Variants in HMMR observed in about 807,000 individuals in gnomAD.
HMMR encodes intracellular hyaluronic acid-binding protein.
HMMR carries 108 observed loss-of-function variants against 101.0 expected under a neutral mutation model. That is an observed-to-expected ratio of 1.07 (90% CI 0.92 to 1.25). The LOEUF (loss-of-function observed/expected upper bound fraction) is 1.25, where lower values mean the gene tolerates loss of function less well. HMMR is among the 50% of genes most tolerant of loss of function. The probability of loss-of-function intolerance (pLI) is 0.00; values close to 1 mark genes in which losing one functional copy is unlikely to be tolerated. For synonymous variants in HMMR, 296 were observed against 276.4 expected, an observed-to-expected ratio of 1.07 and a Z score of -0.70; for missense variants, 813 against 788.7, an observed-to-expected ratio of 1.03 and a Z score of -0.37.
intron 12 of HMMR, 21 bp from the exon 13 acceptor site, chr5:163,482,621 C>CTTTT: frequency 6.4e-7 from 1 of 1,563,644 alleles, no homozygotes; most frequent in Non-Finnish European, 8.8e-7. Context: ...ACTACTTTGA[C>CTTTT]TTTTTTTTCT....
intron 4 of HMMR, 142 bp from the exon 5 acceptor site, chr5:163,469,499 T>A (rs974537488): frequency 9.3e-6 from 6 of 647,216 alleles, no homozygotes; most frequent in Non-Finnish European, 1.6e-5. Context: ...ATTATTCAAA[T>A]AGCTAGTAAC....
chr5:163,488,678 C>T (rs553234617), intron 16 of HMMR, among the ~76,000 whole-genome samples: 33 of 152,288 alleles, frequency 2.2e-4, no homozygotes, highest in African/African-American at 7.0e-4. Context: ...CCTCTCTTTC[C>T]GTGAACATAG....
intron 11 of HMMR, among the ~76,000 whole-genome samples, chr5:163,477,106 C>T (rs1340594508): frequency 6.6e-6 from 1 of 152,188 alleles, no homozygotes; most frequent in African/African-American, 2.4e-5. Context: ...CATTATGTTT[C>T]CTTCTCCCAT....
intron 17 of HMMR, 85 bp downstream of exon 17, chr5:163,490,637 T>G: frequency 2.0e-6 from 2 of 1,022,090 alleles, no homozygotes; most frequent in South Asian, 1.4e-5. Flanking sequence ...TTTTATGAAC[T>G]GTGAAAATTT....
At chr5:163,486,350 T>A (rs565007324) in intron 16 of HMMR, among the ~76,000 whole-genome samples, 1 of 152,310 alleles carries the variant, frequency 6.6e-6, no homozygotes, top group East Asian at 1.9e-4. Context: ...GTTTTCCACT[T>A]CTCTTGTTAA....
At chr5:163,466,128 T>G (rs1758698650) in intron 3 of HMMR, among the ~76,000 whole-genome samples, 1 of 151,800 alleles carries the variant, frequency 6.6e-6, no homozygotes, top group South Asian at 2.1e-4. Context: ...TAGCCGTGTG[T>G]GGTGGCACGT....
Position 163,482,690 on chromosome 5 carries a change from C to T in HMMR, c.1434C>T (p.Asn478=), listed in dbSNP as rs1435796292. The part of the protein sequence containing the change: ...ASEIEDLKLE[N]SSLQEKAAKA... ...AGATAGAAGATCTTAAGCTGGAGAACTCATCATTACAGGAAAAAGCGGCCA... is the reference window on the plus strand; with the variant it reads ...AGATAGAAGATCTTAAGCTGGAGAATTCATCATTACAGGAAAAAGCGGCCA... The change falls in exon 13 of 18, where the codon AAC becomes AAT. Residue 478 remains asparagine (N), a synonymous_variant. Coordinates refer to ENST00000393915, the MANE Select transcript of HMMR (RefSeq NM_001142556.2). 1.2e-5 allele frequency: 20 copies of T among 1,612,252 alleles called. No individual in the cohort carries two copies. Among genetic ancestry groups the T allele is most frequent in the Non-Finnish European group, 1.7e-5 (20 of 1,178,504 alleles).
rs1478102853 is a variant in HMMR at position 163,483,010 on chromosome 5, C to G, written c.1533-10C>G. On this transcript the variant is annotated splice_polypyrimidine_tract_variant and intron_variant, in intron 13 of 17. Transcript: ENST00000393915. ...AAATGTTTAGTGACCTCTTCTCTCT[C>G]AAACCAAAGGATGCTTCTAGATCTG... 3 of 1,574,590 alleles carry G rather than the reference C, an allele frequency of 1.9e-6. No homozygotes were observed. The highest frequency in any genetic ancestry group is 2.6e-6 in the Non-Finnish European group (3 of 1,166,850).
Position 163,460,826 on chromosome 5 carries a change from G to T in HMMR, c.46+88G>T, listed in dbSNP as rs1040858666. 25 of 1,165,412 alleles carry T rather than the reference G, an allele frequency of 2.1e-5. No individual in the cohort carries two copies. In the African/African-American group the frequency reaches 3.5e-4, roughly 16 times the overall value. 72.2% of individuals were successfully genotyped at this position (1,165,412 alleles called of 1,614,324 possible). ...TCCCTTCTTGGGAGGCAAGCAGGAGGCGATTTTAGGGTCGGGCTGGGGCTC... is the reference window on the plus strand; with the variant it reads ...TCCCTTCTTGGGAGGCAAGCAGGAGTCGATTTTAGGGTCGGGCTGGGGCTC... On this transcript the variant is annotated intron_variant, in intron 1 of 17. Transcript: ENST00000393915.
At position 163,474,105 on chromosome 5, in the gene HMMR, A is replaced by T. The variant is rs1217815131; in HGVS notation, c.953A>T (p.Glu318Val). The T allele has an allele frequency of 6.2e-7, 1 of 1,611,712 alleles. No individual in the cohort carries two copies. ...NREHNENLNA[E>V]MQNLKQKFIL... Reference sequence around the variant, plus strand: ...GAACACAACGAAAATCTAAATGCAGAGATGCAAAACTTAAAACAGAAGTTT... The same window carrying T: ...GAACACAACGAAAATCTAAATGCAGTGATGCAAAACTTAAAACAGAAGTTT... The change falls in exon 10 of 18, where the codon GAG becomes GTG. Residue 318 changes from glutamate to valine, a missense_variant. Glu to Val is a moderately radical substitution (Grantham distance 121). Coordinates refer to ENST00000393915, the MANE Select transcript of HMMR (RefSeq NM_001142556.2).
intron 3 of HMMR, among the ~76,000 whole-genome samples, chr5:163,465,549 G>A (rs1261206079): frequency 1.4e-3 from 1 of 710 alleles, no homozygotes; most frequent in Non-Finnish European, 0.022. Flanking sequence ...TAGCCAGTTG[G>A]GCAGGCTAGG....
At chr5:163,474,991 A>C (rs1323992645) in intron 10 of HMMR, among the ~76,000 whole-genome samples, 1 of 152,070 alleles carries the variant, frequency 6.6e-6, no homozygotes, top group East Asian at 1.9e-4. Flanking sequence ...TATCTCTGCA[A>C]TGGGAAAACT....
At chr5:163,467,474 A>G (rs771224011) in intron 3 of HMMR, among the ~76,000 whole-genome samples, 2 of 152,228 alleles carry the variant, frequency 1.3e-5, no homozygotes, top group African/African-American at 2.4e-5. Flanking sequence ...CTGATTAGGA[A>G]AATCCTGATT....
intron 12 of HMMR, among the ~76,000 whole-genome samples, chr5:163,479,631 C>G (rs1490863924): frequency 1.3e-5 from 2 of 152,184 alleles, no homozygotes; most frequent in South Asian, 2.1e-4. Flanking sequence ...CCACTGCGCT[C>G]CAGCCTGGGT....
At chr5:163,481,906 TTTTTA>T (rs1759279645) in intron 12 of HMMR, among the ~76,000 whole-genome samples, 1 of 152,118 alleles carries the variant, frequency 6.6e-6, no homozygotes, top group Non-Finnish European at 1.5e-5. Flanking sequence ...ATTAAACACC[TTTTTA>T]TTTTATTTAT....
At chr5:163,481,233 A>G (rs1488078024) in intron 12 of HMMR, among the ~76,000 whole-genome samples, 2 of 151,816 alleles carry the variant, frequency 1.3e-5, no homozygotes, top group African/African-American at 2.4e-5. Context: ...TAGATAAATA[A>G]TTTATAAGTG....
intron 3 of HMMR, among the ~76,000 whole-genome samples, chr5:163,466,481 A>G (rs1371471032): frequency 6.6e-6 from 1 of 152,180 alleles, no homozygotes; most frequent in Non-Finnish European, 1.5e-5. Flanking sequence ...AAAGAACTAA[A>G]TTTTTAATAT....
Position 163,469,812 on chromosome 5 carries a change from G to GAAA in HMMR, c.447_448insAAA (p.Glu149_Leu150insLys). On this transcript the variant is annotated inframe_insertion, in exon 5 of 18. Coordinates refer to ENST00000393915, the MANE Select transcript of HMMR (RefSeq NM_001142556.2). Reference sequence around the variant, plus strand: ...ACTTATTGAATTGACCAGGACTAATGAACTACTAAAATCTAAGGTATCTGA... The same window carrying GAAA: ...ACTTATTGAATTGACCAGGACTAATGAAAAACTACTAAAATCTAAGGTATCTGA... 6.3e-7 allele frequency: 1 copy of GAAA among 1,596,056 alleles called. No homozygotes were observed. Among genetic ancestry groups the GAAA allele is most frequent in the Non-Finnish European group, 8.6e-7 (1 of 1,167,642 alleles).
Position 163,460,668 on chromosome 5 carries a change from TCAGTTTCTGGAGC to T in HMMR, c.-24_-12del, listed in dbSNP as rs1758489357. 6.3e-7 allele frequency: 1 copy of T among 1,596,526 alleles called. No individual in the cohort carries two copies. ...AGTTGTCGAGGAGTGCCAGTCACCT[TCAGTTTCTGGAGC>T]TGGCCGTCAACATGTCCTTTCCTAA... On this transcript the variant is annotated 5_prime_UTR_variant, in exon 1 of 18. Transcript: ENST00000393915.
Sources: allele counts gnomAD v4.1 joint callset (sites outside exome capture counted in the v4.1 genomes callset), GRCh38; gene constraint gnomAD v4.1.1; transcripts MANE v1.5; gene names NCBI Gene and HGNC (gene_info 2026-07-23, HGNC 2026-07-21).